LIFR: variants seen among roughly 807,000 people sequenced by gnomAD.
LIFR encodes leukemia inhibitory factor receptor.
LIFR carries 84 observed loss-of-function variants against 122.2 expected under a neutral mutation model. That is an observed-to-expected ratio of 0.69 (90% CI 0.58 to 0.82). LIFR has a LOEUF of 0.82. LIFR is among the 40% of genes least tolerant of loss of function. LIFR has a pLI of 0.00. For synonymous variants in LIFR, 422 were observed against 434.7 expected (o/e 0.97, Z 0.36); for missense variants, 1,294 against 1,311.6 (o/e 0.99, Z 0.21).
rs776288191 is a variant in LIFR, at chr5:38,504,078, A to G, written c.1335T>C (p.Asn445=). ...TPTSFKVKDI[N]STAVKLSWHL... ...GCCAAGAAAGTTTAACAGCTGTTGA[A>G]TTAATATCCTTCACTTTGAATGAAG... Residue 445 remains asparagine (N), a synonymous_variant, in exon 10 of 20, where the codon AAT becomes AAC. Transcript: ENST00000453190. 3.8e-6 allele frequency: 6 copies of G among 1,587,142 alleles called. No individual in the cohort carries two copies. The highest frequency in any genetic ancestry group is 1.1e-5 in the South Asian group (1 of 90,454).
chr5:38,519,224 A>G (rs1746270636), intron 5 of LIFR, among the ~76,000 whole-genome samples: 1 of 152,198 alleles, frequency 6.6e-6, no homozygotes, highest in South Asian at 2.1e-4. Flanking sequence ...GTGAATAGTC[A>G]TGTCCTAGGC....
chr5:38,503,253 T>A (rs1036713049), intron 10 of LIFR, among the ~76,000 whole-genome samples: 1 of 152,204 alleles, frequency 6.6e-6, no homozygotes, highest in African/African-American at 2.4e-5. Flanking sequence ...TGTGCATCTT[T>A]GTTAATATGA....
At position 38,533,813 on chromosome 5, in the gene LIFR, C is replaced by T. The variant is rs559671133; in HGVS notation, c.-19-3147G>A. ...GCCTGGTGGCACTGAGGCCTCCAGC[C>T]TTGTGTGCAGAAGGAGGCCTCAGGC... On this transcript the variant is annotated intron_variant, in intron 1 of 19. Transcript: ENST00000453190. 1.5e-3 allele frequency among the ~76,000 whole-genome samples: 236 copies of T among 152,270 alleles called. 1 individual carries two copies. Among genetic ancestry groups the T allele is most frequent in the Non-Finnish European group, 1.7e-3 (115 of 68,020 alleles).
At chr5:38,562,780 G>T (rs955213318) in intron 1 of LIFR, among the ~76,000 whole-genome samples, 1 of 152,110 alleles carries the variant, frequency 6.6e-6, no homozygotes, top group South Asian at 2.1e-4. Context: ...TCAATATTAT[G>T]TACAAAACCA....
intron 12 of LIFR, among the ~76,000 whole-genome samples, chr5:38,497,931 T>C (rs1447932412): frequency 6.6e-6 from 1 of 152,240 alleles, no homozygotes; most frequent in African/African-American, 2.4e-5. Context: ...TGGTGAACTT[T>C]TTTGTGCCAC....
intron 1 of LIFR, among the ~76,000 whole-genome samples, chr5:38,534,930 T>A (rs1366519800): frequency 6.6e-6 from 1 of 152,138 alleles, no homozygotes; most frequent in Non-Finnish European, 1.5e-5. Flanking sequence ...AAAATACAAG[T>A]GAAAATTATT....
intron 9 of LIFR, among the ~76,000 whole-genome samples, chr5:38,505,058 A>G (rs1745391346): frequency 6.6e-6 from 1 of 152,100 alleles, no homozygotes; most frequent in South Asian, 2.1e-4. Context: ...AGCACATTTT[A>G]TTTTTATTTG....
At chr5:38,485,113 G>A (rs976519586) in intron 17 of LIFR, among the ~76,000 whole-genome samples, 4 of 152,166 alleles carry the variant, frequency 2.6e-5, no homozygotes, top group Non-Finnish European at 5.9e-5. Flanking sequence ...AGGCCAGACA[G>A]ATCTTCACTA....
At chr5:38,511,416 A>G (rs2112496783) in intron 6 of LIFR, among the ~76,000 whole-genome samples, 1 of 151,938 alleles carries the variant, frequency 6.6e-6, no homozygotes, top group South Asian at 2.1e-4. Context: ...TGTTCCTGGC[A>G]ATAACTATGC....
chr5:38,482,713 A>G, intron 18 of LIFR, 46 bp from the exon 19 acceptor site: 1 of 783,982 alleles, frequency 1.3e-6, no homozygotes, highest in Non-Finnish European at 2.0e-6. Context: ...TTTTAAGATT[A>G]TTAGATAATA....
intron 1 of LIFR, among the ~76,000 whole-genome samples, chr5:38,547,879 C>T (rs1747984069): frequency 6.6e-6 from 1 of 152,040 alleles, no homozygotes; most frequent in Non-Finnish European, 1.5e-5. Context: ...CGTTACTGTA[C>T]TGAATACTGA....
At chr5:38,602,201 A>G (rs867255442) in intron 2 of LIFR, among the ~76,000 whole-genome samples, 2 of 152,178 alleles carry the variant, frequency 1.3e-5, no homozygotes, top group South Asian at 2.1e-4. Context: ...GAAGCTGATG[A>G]TGTTACTCCA....
chr5:38,489,292 G>C, intron 15 of LIFR, 47 bp from the exon 16 acceptor site: 1 of 1,359,556 alleles, frequency 7.4e-7, no homozygotes, highest in South Asian at 1.2e-5. Context: ...TATGAATACA[G>C]AGTAATACAG....
chr5:38,501,761 C>A (rs1417986781), intron 11 of LIFR, among the ~76,000 whole-genome samples: 1 of 151,560 alleles, frequency 6.6e-6, no homozygotes, highest in Non-Finnish European at 1.5e-5. Context: ...AAAATTAAAC[C>A]TATTTCTGAG....
chr5:38,486,423 A>AAACC (rs1288387551), intron 16 of LIFR, among the ~76,000 whole-genome samples: 1 of 152,220 alleles, frequency 6.6e-6, no homozygotes, highest in African/African-American at 2.4e-5. Context: ...AGATGACTCC[A>AAACC]AACCACTTAG....
At chr5:38,500,968 C>T (rs1440268734) in intron 11 of LIFR, among the ~76,000 whole-genome samples, 5 of 152,174 alleles carry the variant, frequency 3.3e-5, no homozygotes, top group Non-Finnish European at 7.3e-5. Context: ...GAGAGGCCCA[C>T]AAGGTGAGGA....
chr5:38,566,525 A>G (rs778704074), intron 1 of LIFR, among the ~76,000 whole-genome samples: 2 of 152,320 alleles, frequency 1.3e-5, no homozygotes, highest in Admixed American at 1.3e-4. Flanking sequence ...TTCCAAAGGC[A>G]TTGAGAAGTT....
chr5:38,560,455 A>G (rs1299549079), upstream of LIFR, among the ~76,000 whole-genome samples: 2 of 152,244 alleles, frequency 1.3e-5, no homozygotes, highest in Non-Finnish European at 2.9e-5. Flanking sequence ...ACCATCAAAA[A>G]TAGTATCTGC....
upstream of LIFR, among the ~76,000 whole-genome samples, chr5:38,597,881 G>A (rs1188832357): frequency 6.6e-6 from 1 of 152,188 alleles, no homozygotes; most frequent in Non-Finnish European, 1.5e-5. Flanking sequence ...GGTGCATGGA[G>A]CAAGAAAGTT....
Sources: gnomAD v4.1 joint callset for allele counts (sites outside exome capture counted in the v4.1 genomes callset) on GRCh38, gnomAD v4.1.1 for gene constraint, MANE v1.5 for transcripts, NCBI Gene and HGNC (gene_info 2026-07-23, HGNC 2026-07-21) for gene names.